The following SLC24A5 variants were observed in gnomAD, a reference collection of about 807,000 sequenced individuals.
The protein encoded by SLC24A5 is sodium/potassium/calcium exchanger 5.
In SLC24A5, 46 loss-of-function variants were observed where a neutral mutation model predicts 51.6. The observed-to-expected ratio is 0.89, with a 90% CI of 0.70 to 1.14. SLC24A5 has a LOEUF of 1.14. Among genes scored for constraint, SLC24A5 ranks in the 50% most tolerant of loss-of-function variants. The probability of loss-of-function intolerance (pLI) is 0.00; values close to 1 mark genes in which losing one functional copy is unlikely to be tolerated. For missense variants in SLC24A5, 581 were observed against 604.1 expected (o/e 0.96, Z 0.40); for synonymous variants, 230 against 214.9 (o/e 1.07, Z -0.62).
In SLC24A5 at chr15:48,141,194, G is replaced by T. The variant is rs376006338; in HGVS notation, c.1160G>T (p.Ser387Ile). 6.2e-7 allele frequency: 1 copy of T among 1,613,384 alleles called. No homozygotes were observed. ...AGTSIPDTIA[S>I]VLVARKGKGD... ...ACAAGCATACCAGACACAATTGCAA[G>T]TGTGTTGGTTGCAAGAAAAGGTAAG... Residue 387 changes from serine (S) to isoleucine (I), a missense_variant, in exon 8 of 9, where the codon AGT (serine) becomes ATT (isoleucine). Transcript: ENST00000341459.
At position 48,136,670 on chromosome 15, in the gene SLC24A5, TTC is replaced by T. The variant is rs1567226420; in HGVS notation, c.591-9_591-8del. 2.5e-6 allele frequency: 4 copies of T among 1,575,818 alleles called. No homozygotes were observed. The Admixed American group carries it at 7.4e-5, about 29-fold the overall frequency. ...TCACTTTTAATTTAAAAACACAAAT[TTC>T]TCTTTTGTAGGTATGAAGGGGCTTT... On this transcript the variant is annotated splice_polypyrimidine_tract_variant and intron_variant, in intron 5 of 8. Coordinates refer to ENST00000341459, the MANE Select transcript of SLC24A5 (RefSeq NM_205850.3).
At chr15:48,129,985 G>C (rs1419308203) in intron 2 of SLC24A5, among the ~76,000 whole-genome samples, 1 of 151,886 alleles carries the variant, frequency 6.6e-6, no homozygotes, top group Non-Finnish European at 1.5e-5. Context: ...ATTTCCAGAA[G>C]GAGATTTTCA....
chr15:48,131,083 G>A (rs906371897), intron 2 of SLC24A5, among the ~76,000 whole-genome samples: 3 of 152,038 alleles, frequency 2.0e-5, no homozygotes, highest in African/African-American at 7.2e-5. Flanking sequence ...GTATATGGGA[G>A]TGCATTGTAC....
At chr15:48,132,278 C>T (rs1314544337) in intron 2 of SLC24A5, among the ~76,000 whole-genome samples, 1 of 152,048 alleles carries the variant, frequency 6.6e-6, no homozygotes, top group African/African-American at 2.4e-5. Flanking sequence ...CAATTAAGTC[C>T]TTTCTGGTTA....
Position 48,134,920 on chromosome 15 carries a change from T to C in SLC24A5, c.526T>C (p.Cys176Arg). The change falls in exon 5 of 9, where the codon TGT becomes CGT. Residue 176 changes from cysteine (C) to arginine (R), a missense_variant. Coordinates refer to ENST00000341459, the MANE Select transcript of SLC24A5 (RefSeq NM_205850.3). ...ATCATGTTGGCCCCTATTCAGAGACTGTGCAGCGTACACAATTAGTGCAGC... is the reference window on the plus strand; with the variant it reads ...ATCATGTTGGCCCCTATTCAGAGACCGTGCAGCGTACACAATTAGTGCAGC... ...TLSCWPLFRD[C>R]AAYTISAAAV... The C allele has an allele frequency of 6.2e-7, 1 of 1,612,386 alleles. No individual in the cohort carries two copies. The highest frequency in any genetic ancestry group is 8.5e-7 in the Non-Finnish European group (1 of 1,178,886).
chr15:48,135,957 C>T (rs1484654251), intron 5 of SLC24A5: 1 of 152,098 alleles, frequency 6.6e-6, no homozygotes, highest in Non-Finnish European at 1.5e-5. Flanking sequence ...TTAGGGAAAT[C>T]AGAACTGTTC....
chr15:48,140,886 C>T lies in SLC24A5; in HGVS notation c.1079-227C>T, dbSNP rs9302141. Reference sequence around the variant, plus strand: ...CTCACTGGCAGAATTTTAGCTGTTACGTATCTTTAGATATGTCATTAAAAA... The same window carrying T: ...CTCACTGGCAGAATTTTAGCTGTTATGTATCTTTAGATATGTCATTAAAAA... On this transcript the variant is annotated intron_variant, in intron 7 of 8. Transcript: ENST00000341459. 2,342 of 392,520 alleles carry T rather than the reference C, an allele frequency of 6.0e-3. 11 individuals are homozygous for T. Among genetic ancestry groups the T allele is most frequent in the Non-Finnish European group, 7.3e-3 (1,565 of 213,094 alleles). The allele number at this position is 392,520 out of a possible 1,614,324, so 24.3% of individuals were successfully genotyped here.
intron 2 of SLC24A5, among the ~76,000 whole-genome samples, chr15:48,131,478 T>C (rs756734591): frequency 1.3e-4 from 19 of 151,908 alleles, no homozygotes; most frequent in Non-Finnish European, 1.8e-4. Flanking sequence ...CTCTCTTTAG[T>C]TCCTTTACAG....
At chr15:48,128,598 G>A (rs1235660869) in intron 2 of SLC24A5, among the ~76,000 whole-genome samples, 2 of 152,066 alleles carry the variant, frequency 1.3e-5, no homozygotes, top group Non-Finnish European at 2.9e-5. Context: ...ACAGTTTCAG[G>A]GGATTGTTTG....
At chr15:48,134,575 TA>T in intron 4 of SLC24A5, 37 bp downstream of exon 4, 1 of 1,507,318 alleles carries the variant, frequency 6.6e-7, no homozygotes, top group Non-Finnish European at 9.2e-7. Flanking sequence ...TGTATTGTCT[TA>T]AAAAATTCTA....
intron 5 of SLC24A5, chr15:48,135,828 C>T (rs1270989349): frequency 6.6e-6 from 1 of 152,128 alleles, no homozygotes; most frequent in Non-Finnish European, 1.5e-5. Flanking sequence ...ACTAATCATC[C>T]TGTCCTCTAG....
At chr15:48,138,515 A>G in intron 6 of SLC24A5, 1 of 152,892 alleles carries the variant, frequency 6.5e-6, no homozygotes, top group East Asian at 1.9e-4. Flanking sequence ...AAATTATGCT[A>G]TGATTATTTT....
intron 2 of SLC24A5, among the ~76,000 whole-genome samples, chr15:48,125,119 A>G (rs903762941): frequency 6.6e-6 from 1 of 152,116 alleles, no homozygotes; most frequent in Non-Finnish European, 1.5e-5. Flanking sequence ...TTGAGTCATA[A>G]TAGTTCCACC....
chr15:48,129,724 G>A (rs906820463), intron 2 of SLC24A5, among the ~76,000 whole-genome samples: 1 of 151,524 alleles, frequency 6.6e-6, no homozygotes, highest in Admixed American at 6.6e-5. Flanking sequence ...GGGGTGGGGG[G>A]TAGGTATTAT....
chr15:48,141,760 A>G, intron 8 of SLC24A5: 1 of 234,784 alleles, frequency 4.3e-6, no homozygotes, highest in Non-Finnish European at 8.2e-6. Context: ...ACCATTAACC[A>G]TGTTAAATTA....
At chr15:48,132,525 A>G (rs1277418089) in intron 2 of SLC24A5, among the ~76,000 whole-genome samples, 1 of 152,186 alleles carries the variant, frequency 6.6e-6, no homozygotes, top group Non-Finnish European at 1.5e-5. Context: ...AATACAACAA[A>G]TAAATGAACC....
chr15:48,128,020 T>A (rs757740921), intron 2 of SLC24A5, among the ~76,000 whole-genome samples: 8 of 151,458 alleles, frequency 5.3e-5, no homozygotes, highest in Non-Finnish European at 8.8e-5. Flanking sequence ...ATAAACTATA[T>A]TCATTTAAAG....
chr15:48,141,593 CAAA>C (rs202102577), intron 8 of SLC24A5: 4 of 104,668 alleles, frequency 3.8e-5, no homozygotes, highest in Non-Finnish European at 4.3e-5. Flanking sequence ...AAACAAAAAC[CAAA>C]AAAAAAAAAA....
intron 6 of SLC24A5, chr15:48,137,379 T>C (rs983176187): frequency 1.3e-5 from 2 of 158,696 alleles, no homozygotes; most frequent in East Asian, 1.8e-4. Flanking sequence ...ATAAAACACA[T>C]AGAGCACAGT....
Sources: gnomAD v4.1 joint callset for allele counts (sites outside exome capture counted in the v4.1 genomes callset) on GRCh38, gnomAD v4.1.1 for gene constraint, MANE v1.5 for transcripts, NCBI Gene and HGNC (gene_info 2026-07-23, HGNC 2026-07-21) for gene names.